Variants in PDGFRB observed in about 807,000 individuals in gnomAD.
PDGFRB encodes the protein platelet derived growth factor receptor beta.
PDGFRB carries 42 observed loss-of-function variants against 120.2 expected under a neutral mutation model. The ratio of observed to expected loss-of-function variants is 0.35; its 90% CI spans 0.27 to 0.45. PDGFRB has a LOEUF of 0.45. Ranked by LOEUF, PDGFRB falls within the 20% of genes least tolerant of loss-of-function variation. The probability of loss-of-function intolerance (pLI) is 1.00; values close to 1 mark genes in which losing one functional copy is unlikely to be tolerated. For synonymous variants in PDGFRB, 586 were observed against 606.8 expected, an observed-to-expected ratio of 0.97 and a Z score of 0.50; for missense variants, 1,149 against 1,476.3, an observed-to-expected ratio of 0.78 and a Z score of 3.63.
Position 150,117,649 on chromosome 5 carries a change from C to G in PDGFRB, c.3106G>C (p.Gly1036Arg). 1 of 1,613,156 alleles carries G rather than the reference C, an allele frequency of 6.2e-7. No homozygotes were observed. The highest frequency in any genetic ancestry group is 8.5e-7 in the Non-Finnish European group (1 of 1,179,376). Residue 1036 changes from glycine (G) to arginine (R), a missense_variant, in exon 22 of 23, where the codon GGC (glycine) becomes CGC (arginine). Gly to Arg is a moderately radical substitution (Grantham distance 125). Transcript: ENST00000261799. ...PDPKPEVADE[G>R]PLEGSPSLAS... is the part of the protein sequence containing the mutation. ...AGGCTGGGGGAACCCTCCAGTGGGC[C>G]CTCGTCAGCAACCTCGGGTTTGGGG... is the stretch of plus-strand genomic sequence containing the variant.
chr5:150,144,011 C>T (rs1040320750), intron 1 of PDGFRB, among the ~76,000 whole-genome samples: 2 of 152,098 alleles, frequency 1.3e-5, no homozygotes, highest in Non-Finnish European at 2.9e-5. Flanking sequence ...ACAAAGTCCC[C>T]TGAACAAAGC....
In PDGFRB at chr5:150,130,530, T is replaced by TC; in HGVS notation, c.1367+8dup. On this transcript the variant is annotated intron_variant, in intron 9 of 22. Coordinates refer to ENST00000261799, the MANE Select transcript of PDGFRB (RefSeq NM_002609.4). Reference sequence around the variant, plus strand: ...GGACACTGGGAGACTGAGGCCCAGGTCTGCTCACCTTTTGAGGTCTCTGCA... The same window carrying TC: ...GGACACTGGGAGACTGAGGCCCAGGTCCTGCTCACCTTTTGAGGTCTCTGCA... 1 of 1,612,268 alleles carries TC rather than the reference T, an allele frequency of 6.2e-7. No homozygotes were observed. The highest frequency in any genetic ancestry group is 1.1e-5 in the South Asian group (1 of 90,882).
intron 14 of PDGFRB, among the ~76,000 whole-genome samples, chr5:150,123,466 T>C (rs981087165): frequency 6.6e-6 from 1 of 152,232 alleles, no homozygotes; most frequent in Non-Finnish European, 1.5e-5. Context: ...AATGAGATGA[T>C]GTCTTTATTG....
intron 12 of PDGFRB, 43 bp from the exon 13 acceptor site, chr5:150,124,874 C>G (rs1760250188): frequency 1.0e-6 from 1 of 972,306 alleles, no homozygotes; most frequent in Non-Finnish European, 1.6e-6. Context: ...TACCAGGAAG[C>G]TGCACCGCTC....
Position 150,114,114 on chromosome 5 carries a change from C to G in PDGFRB, c.*1649G>C. 4.3e-6 allele frequency: 1 copy of G among 233,550 alleles called. No individual in the cohort carries two copies. 14.5% of individuals were successfully genotyped at this position (233,550 alleles called of 1,614,324 possible). ...CCAGAGGGGTTGAGCTTCCTGCACCCCCTTCCCAACCCTCCCCGTGCGGGG... is the reference window on the plus strand; with the variant it reads ...CCAGAGGGGTTGAGCTTCCTGCACCGCCTTCCCAACCCTCCCCGTGCGGGG... On this transcript the variant is annotated 3_prime_UTR_variant, in exon 23 of 23. Coordinates refer to ENST00000261799, the MANE Select transcript of PDGFRB (RefSeq NM_002609.4).
Position 150,132,422 on chromosome 5 carries a change from G to A in PDGFRB, c.1127+328C>T, listed in dbSNP as rs1760492306. 1.3e-5 allele frequency among the ~76,000 whole-genome samples: 2 copies of A among 152,230 alleles called. No individual in the cohort carries two copies. The highest frequency in any genetic ancestry group is 2.9e-5 in the Non-Finnish European group (2 of 68,042). On this transcript the variant is annotated intron_variant, in intron 7 of 22. Coordinates refer to ENST00000261799, the MANE Select transcript of PDGFRB (RefSeq NM_002609.4). The surrounding 1 kb of genome is among the most constrained non-coding windows in gnomAD (Gnocchi z 5.0). ...GTCAGCCAGCAAATCTCCAGCCTCAGGGATACCACAGGCCATGAGTGGCCT... is the reference window on the plus strand; with the variant it reads ...GTCAGCCAGCAAATCTCCAGCCTCAAGGATACCACAGGCCATGAGTGGCCT...
chr5:150,125,210 GC>G (rs1760260511), intron 12 of PDGFRB, among the ~76,000 whole-genome samples: 1 of 152,076 alleles, frequency 6.6e-6, no homozygotes, highest in Non-Finnish European at 1.5e-5. Flanking sequence ...TTCCACTTTT[GC>G]CACATAGGGA....
intron 1 of PDGFRB, 97 bp downstream of exon 1, chr5:150,155,297 CTTT>C (rs35505256): frequency 4.6e-3 from 548 of 119,888 alleles, no homozygotes; most frequent in Middle Eastern, 0.018. Flanking sequence ...AATATCTTCC[CTTT>C]TTTTTTTTTT....
chr5:150,151,101 C>T (rs566292883), intron 1 of PDGFRB, among the ~76,000 whole-genome samples: 7 of 152,136 alleles, frequency 4.6e-5, no homozygotes, highest in Non-Finnish European at 8.8e-5. Flanking sequence ...CGATCCTGAC[C>T]TCTTTCTGTA....
chr5:150,125,395 C>A (rs371306147), intron 12 of PDGFRB, 50 bp downstream of exon 12: 18 of 1,554,038 alleles, frequency 1.2e-5, no homozygotes, highest in Non-Finnish European at 1.5e-5. Context: ...GAGAGTCTTC[C>A]CACCCAACTT....
chr5:150,119,483 G>T lies in PDGFRB; in HGVS notation c.2782C>A (p.His928Asn). ...TCCACTCACATCTCGTCGGAGGCAT[G>T]GGCAGGCTGGGCCATGCGGTAACCC... ...KRGYRMAQPA[H>N]ASDEIYEIMQ... Residue 928 changes from histidine (H) to asparagine (N), a missense_variant, in exon 20 of 23, where the codon CAT becomes AAT. Physicochemically the swap from His to Asn is moderately conservative, Grantham distance 68. Transcript: ENST00000261799. 1.9e-6 allele frequency: 3 copies of T among 1,601,554 alleles called. No homozygotes were observed. The highest frequency in any genetic ancestry group is 2.6e-6 in the Non-Finnish European group (3 of 1,168,554).
chr5:150,122,280 G>C (rs551536383), intron 15 of PDGFRB: 1 of 489,072 alleles, frequency 2.0e-6, no homozygotes, highest in South Asian at 2.6e-5. Flanking sequence ...GGCGATTACA[G>C]CACCCCAGGG....
rs1580807279 is a variant in PDGFRB at position 150,132,207 on chromosome 5, T to C, written c.1128-113A>G. 10 of 634,136 alleles carry C rather than the reference T, an allele frequency of 1.6e-5. No individual in the cohort carries two copies. The East Asian group carries it at 2.8e-4, about 18-fold the overall frequency. The allele number at this position is 634,136 out of a possible 1,614,324, so 39.3% of individuals were successfully genotyped here. A position where few individuals can be genotyped will look rare whatever the true frequency, so the allele number is the denominator to read the frequency against. Reference sequence around the variant, plus strand: ...GGAGGGGAAGGGCTTGCCAAGGTCATCTCGGCATTGGTAGCAGAGCCGGGA... The same window carrying C: ...GGAGGGGAAGGGCTTGCCAAGGTCACCTCGGCATTGGTAGCAGAGCCGGGA... On this transcript the variant is annotated intron_variant, in intron 7 of 22. Coordinates refer to ENST00000261799, the MANE Select transcript of PDGFRB (RefSeq NM_002609.4). The surrounding 1 kb of genome is among the most constrained non-coding windows in gnomAD (Gnocchi z 5.0).
At chr5:150,117,891 C>A (rs1333368276) in intron 21 of PDGFRB, 41 bp from the exon 22 acceptor site, 3 of 1,222,112 alleles carry the variant, frequency 2.5e-6, no homozygotes, top group Non-Finnish European at 3.6e-6. Flanking sequence ...CAGGGATGGT[C>A]AGGCCAGAAA....
chr5:150,135,501 G>A (rs1009119257), intron 3 of PDGFRB, 54 bp downstream of exon 3: 26 of 1,098,126 alleles, frequency 2.4e-5, no homozygotes, highest in Non-Finnish European at 3.1e-5. Context: ...TTCCCCTGAT[G>A]CCTCCAGTTG....
At chr5:150,116,504 G>A (rs1759937697) in intron 22 of PDGFRB, among the ~76,000 whole-genome samples, 1 of 152,082 alleles carries the variant, frequency 6.6e-6, no homozygotes, top group Non-Finnish European at 1.5e-5. Flanking sequence ...AGCTACTCGG[G>A]AGGCTGAGGC....
At chr5:150,145,163 T>C (rs1760887029) in intron 1 of PDGFRB, among the ~76,000 whole-genome samples, 1 of 152,250 alleles carries the variant, frequency 6.6e-6, no homozygotes, top group African/African-American at 2.4e-5. Flanking sequence ...GGGTGAAGAC[T>C]TTTTCAGTGA....
At chr5:150,142,932 G>A (rs1042392214) in intron 1 of PDGFRB, among the ~76,000 whole-genome samples, 2 of 152,148 alleles carry the variant, frequency 1.3e-5, no homozygotes, top group Non-Finnish European at 2.9e-5. Flanking sequence ...GAGGAAGTGA[G>A]GTGATGGCGT....
intron 14 of PDGFRB, among the ~76,000 whole-genome samples, chr5:150,123,755 G>A (rs1760211967): frequency 6.6e-6 from 1 of 152,136 alleles, no homozygotes; most frequent in Non-Finnish European, 1.5e-5. Flanking sequence ...ATAATGCTGA[G>A]GAAAATCCCA....
Sources: gnomAD v4.1 joint callset for allele counts (sites outside exome capture counted in the v4.1 genomes callset) on GRCh38, gnomAD v4.1.1 for gene constraint, Gnocchi (gnomAD v3.1) non-coding constraint, MANE v1.5 for transcripts, NCBI Gene and HGNC (gene_info 2026-07-23, HGNC 2026-07-21) for gene names.